The following ERC1 variants were observed in gnomAD, a reference collection of about 807,000 sequenced individuals.
ERC1 encodes ELKS/RAB6-interacting/CAST family member 1, also known as RAB6 interacting protein 2.
Under a neutral mutation model 132.0 loss-of-function variants are expected in ERC1, and 56 were observed. The observed-to-expected ratio is 0.42, with a 90% CI of 0.34 to 0.53. The LOEUF (loss-of-function observed/expected upper bound fraction) is 0.53. Ranked by LOEUF, ERC1 falls within the 20% of genes least tolerant of loss-of-function variation. ERC1 has a pLI of 0.03. For missense variants in ERC1, 1,202 were observed against 1,349.9 expected, an observed-to-expected ratio of 0.89 and a Z score of 1.72; for synonymous variants, 478 against 476.1, an observed-to-expected ratio of 1.00 and a Z score of -0.05.
intron 12 of ERC1, among the ~76,000 whole-genome samples, chr12:1,193,510 ATATAT>A (rs58403230): frequency 0.023 from 3,496 of 152,066 alleles, 51 homozygotes; most frequent in Non-Finnish European, 0.03. Context: ...ACAAGCATAC[ATATAT>A]TATGAGATTT....
rs563440154 is a variant in ERC1 at position 1,298,095 on chromosome 12, CA to C, written c.2780+8091del. ...TGACAGAGTAAAACCTGGTCTCTAA[CA>C]AAAAAAAGAAGAAAGGAAAGAGAGA... On this transcript the variant is annotated intron_variant, in intron 15 of 18. Coordinates refer to ENST00000360905, the MANE Select transcript of ERC1 (RefSeq NM_178040.4). Among the ~76,000 whole-genome samples, 695 of 149,980 alleles carry C rather than the reference CA, an allele frequency of 4.6e-3. 2 individuals carry two copies. Among genetic ancestry groups the C allele is most frequent in the African/African-American group, 0.014 (576 of 40,860 alleles).
At chr12:1,375,132 A>T (rs1189560551) in intron 16 of ERC1, among the ~76,000 whole-genome samples, 1 of 152,158 alleles carries the variant, frequency 6.6e-6, no homozygotes, top group African/African-American at 2.4e-5. Context: ...ACTGCTGTAA[A>T]GTACTACCTG....
chr12:1,354,455 A>C (rs1003603503), intron 15 of ERC1, among the ~76,000 whole-genome samples: 8 of 151,908 alleles, frequency 5.3e-5, no homozygotes, highest in African/African-American at 1.5e-4. Context: ...CCTGGGAGGC[A>C]GGGGTTTCAG....
At chr12:1,222,500 C>G (rs1959085823) in intron 12 of ERC1, among the ~76,000 whole-genome samples, 1 of 152,072 alleles carries the variant, frequency 6.6e-6, no homozygotes, top group African/African-American at 2.4e-5. Context: ...CAGGCGTGAG[C>G]CACCACACCT....
At chr12:1,015,079 T>C (rs1965304261) in intron 1 of ERC1, among the ~76,000 whole-genome samples, 1 of 151,484 alleles carries the variant, frequency 6.6e-6, no homozygotes. Context: ...TTCTTTCTTT[T>C]TTTTTTTTTG....
intron 18 of ERC1, among the ~76,000 whole-genome samples, chr12:1,474,139 A>C (rs568379437): frequency 6.6e-6 from 1 of 152,272 alleles, no homozygotes; most frequent in South Asian, 2.1e-4. Flanking sequence ...CACCATTTCC[A>C]CTTGATCTGT....
rs200574802 is a variant in ERC1, at chr12:1,283,773, A to AT, written c.2620-6073dup. Among the ~76,000 whole-genome samples, 994 of 152,318 alleles carry AT rather than the reference A, an allele frequency of 6.5e-3. 12 individuals carry two copies. Among genetic ancestry groups the AT allele is most frequent in the African/African-American group, 0.023 (946 of 41,570 alleles). On this transcript the variant is annotated intron_variant, in intron 14 of 18. Transcript: ENST00000360905. ...AAATCTGAAAGGTAGAGATTTTTAA[A>AT]TTTTTTAACAATATGTAATAGTTGT...
Position 1,028,194 on chromosome 12 carries a change from T to G in ERC1, c.291T>G (p.Arg97=). 6.2e-7 allele frequency: 1 copy of G among 1,614,226 alleles called. No individual in the cohort carries two copies. Among genetic ancestry groups the G allele is most frequent in the Non-Finnish European group, 8.5e-7 (1 of 1,180,044 alleles). ...TGACACTTGGCCGTTCTGGGGGACG[T>G]CTGCCTTACGGTGTTCGGATGACTG... ...STMTLGRSGG[R]LPYGVRMTAM... The change falls in exon 2 of 19, where the codon CGT becomes CGG. Residue 97 remains arginine (R), a synonymous_variant. Coordinates refer to ENST00000360905, the MANE Select transcript of ERC1 (RefSeq NM_178040.4).
chr12:1,327,241 G>T (rs531882975), intron 15 of ERC1, among the ~76,000 whole-genome samples: 1 of 149,832 alleles, frequency 6.7e-6, no homozygotes, highest in African/African-American at 2.5e-5. Flanking sequence ...TTAAAGTCAT[G>T]AGTGATTTTT....
intron 18 of ERC1, among the ~76,000 whole-genome samples, chr12:1,483,109 C>A (rs2094124234): frequency 6.6e-6 from 1 of 152,074 alleles, no homozygotes; most frequent in Non-Finnish European, 1.5e-5. Flanking sequence ...CCAGCCTGGG[C>A]AACATGGCAA....
At chr12:1,295,995 C>A in intron 15 of ERC1, among the ~76,000 whole-genome samples, 4 of 135,078 alleles carry the variant, frequency 3.0e-5, no homozygotes, top group South Asian at 2.4e-4. Flanking sequence ...CTGAGGAGTC[C>A]TATTTGGTTT....
In ERC1 at chr12:1,237,131, T is replaced by C. The variant is rs530910246; in HGVS notation, c.2487+227T>C. On this transcript the variant is annotated intron_variant, in intron 13 of 18. Coordinates refer to ENST00000360905, the MANE Select transcript of ERC1 (RefSeq NM_178040.4). The stretch of plus-strand genomic sequence containing the variant: ...ACCTCAGCATAGGAGAAAGTTCATC[T>C]TGCTTCAAGTTGATCACACTTAATT... Among the ~76,000 whole-genome samples, 19 of 152,338 alleles carry C rather than the reference T, an allele frequency of 1.2e-4. No homozygotes were observed. The South Asian group carries it at 3.7e-3, about 30-fold the overall frequency.
intron 18 of ERC1, among the ~76,000 whole-genome samples, chr12:1,445,572 T>C (rs762810335): frequency 1.3e-5 from 2 of 151,126 alleles, no homozygotes; most frequent in African/African-American, 2.5e-5. Flanking sequence ...TCCTGTCTAG[T>C]TGATATTTTG....
Position 1,263,098 on chromosome 12 carries a change from A to G in ERC1, c.2552A>G (p.Gln851Arg). The change falls in exon 14 of 19, where the codon CAG becomes CGG. Residue 851 changes from glutamine (Q) to arginine (R), a missense_variant. By Grantham distance (43) the Gln-to-Arg change is conservative (BLOSUM62 1). Coordinates refer to ENST00000360905, the MANE Select transcript of ERC1 (RefSeq NM_178040.4). Reference protein sequence around the residue: ...ELEEALRESVQITAEREMVLA... With the variant: ...ELEEALRESVRITAEREMVLA... ...GAAGAAGCACTAAGAGAAAGTGTAC[A>G]GATAACTGCAGAGCGGGAAATGGTG... 1 of 1,614,114 alleles carries G rather than the reference A, an allele frequency of 6.2e-7. No homozygotes were observed. Among genetic ancestry groups the G allele is most frequent in the Non-Finnish European group, 8.5e-7 (1 of 1,179,946 alleles).
intron 15 of ERC1, among the ~76,000 whole-genome samples, chr12:1,324,844 C>T (rs2082339924): frequency 6.6e-6 from 1 of 152,120 alleles, no homozygotes; most frequent in Non-Finnish European, 1.5e-5. Flanking sequence ...GCCTGTTTTT[C>T]TTCAGGTATC....
chr12:1,297,749 T>A (rs929088746), intron 15 of ERC1, among the ~76,000 whole-genome samples: 4 of 150,230 alleles, frequency 2.7e-5, no homozygotes, highest in African/African-American at 9.8e-5. Context: ...GGTAAATCAG[T>A]TGATACATAT....
At position 1,441,063 on chromosome 12, in the gene ERC1, A is replaced by T. The variant is rs200513279; in HGVS notation, c.3025-3499A>T. ...AAAATGCATTTAAATCTGTTTGAAAATTTTTTTTTTTTTTGAGACAGATCT... is the reference window on the plus strand; with the variant it reads ...AAAATGCATTTAAATCTGTTTGAAATTTTTTTTTTTTTTTGAGACAGATCT... On this transcript the variant is annotated intron_variant, in intron 17 of 18. Transcript: ENST00000360905. Among the ~76,000 whole-genome samples, 86 of 145,596 alleles carry T rather than the reference A, an allele frequency of 5.9e-4. 1 individual carries two copies. The East Asian group carries it at 6.5e-3, about 11-fold the overall frequency.
chr12:1,095,459 C>A (rs892081160), intron 3 of ERC1, among the ~76,000 whole-genome samples: 1 of 150,808 alleles, frequency 6.6e-6, no homozygotes, highest in East Asian at 1.9e-4. Flanking sequence ...AGTCATTATT[C>A]TTTAGTTATT....
At chr12:1,421,240 C>T (rs1035442158) in intron 17 of ERC1, among the ~76,000 whole-genome samples, 2 of 152,202 alleles carry the variant, frequency 1.3e-5, no homozygotes, top group African/African-American at 4.8e-5. Flanking sequence ...CTTTTACTCG[C>T]TCAGCGGATT....
Sources: allele counts gnomAD v4.1 joint callset (sites outside exome capture counted in the v4.1 genomes callset), GRCh38; gene constraint gnomAD v4.1.1; transcripts MANE v1.5; gene names NCBI Gene and HGNC (gene_info 2026-07-23, HGNC 2026-07-21).